Variants in ARID4B observed in about 807,000 individuals in gnomAD.
The protein encoded by ARID4B is AT-rich interaction domain 4B.
A neutral mutation model predicts 147.5 loss-of-function variants in ARID4B; 26 were observed. The observed-to-expected ratio is 0.18, with a 90% CI of 0.13 to 0.24. The LOEUF (loss-of-function observed/expected upper bound fraction) is 0.24, where lower values mean the gene tolerates loss of function less well. Ranked by LOEUF, ARID4B falls within the 10% of genes least tolerant of loss-of-function variation. ARID4B has a pLI of 1.00. For missense variants in ARID4B, 1,179 were observed against 1,511.5 expected (o/e 0.78, Z 3.65); for synonymous variants, 512 against 507.9 (o/e 1.01, Z -0.11).
chr1:235,196,927 A>AG (rs1334818560), intron 17 of ARID4B, among the ~76,000 whole-genome samples: 20 of 66,092 alleles, frequency 3.0e-4, no homozygotes, highest in Middle Eastern at 7.1e-3. Flanking sequence ...AAAATCAACT[A>AG]GAAAAAAAAA....
chr1:235,244,796 G>A (rs922041625), intron 7 of ARID4B, among the ~76,000 whole-genome samples: 1 of 152,174 alleles, frequency 6.6e-6, no homozygotes, highest in Non-Finnish European at 1.5e-5. Flanking sequence ...TGGAGTAATG[G>A]AAGAGGAAAT....
chr1:235,171,882 T>C (rs932388851), intron 23 of ARID4B, among the ~76,000 whole-genome samples: 9 of 152,098 alleles, frequency 5.9e-5, no homozygotes, highest in African/African-American at 2.2e-4. Context: ...CCTCAGGCAA[T>C]CCACCCACCG....
intron 5 of ARID4B, among the ~76,000 whole-genome samples, chr1:235,255,273 C>CGA (rs1669904755): frequency 7.8e-6 from 1 of 127,668 alleles, no homozygotes; most frequent in Non-Finnish European, 1.6e-5. Context: ...ATATATATCT[C>CGA]TCTCTCTCTC....
chr1:235,292,365 G>A, intron 2 of ARID4B, among the ~76,000 whole-genome samples: 1 of 152,186 alleles, frequency 6.6e-6, no homozygotes. Flanking sequence ...TGTAATCCCA[G>A]CACTTTGGGA....
intron 19 of ARID4B, among the ~76,000 whole-genome samples, chr1:235,186,056 A>AC (rs1055146471): frequency 1.3e-4 from 20 of 149,432 alleles, no homozygotes; most frequent in African/African-American, 4.7e-4. Context: ...TGCAACCTCC[A>AC]CCTCCCAGGT....
At chr1:235,296,988 G>T (rs1406449437) in intron 2 of ARID4B, among the ~76,000 whole-genome samples, 1 of 151,822 alleles carries the variant, frequency 6.6e-6, no homozygotes, top group African/African-American at 2.4e-5. Flanking sequence ...AGAAAACCAG[G>T]GCTACTTGTT....
chr1:235,231,159 T>C lies in ARID4B; in HGVS notation c.696A>G (p.Glu232=), dbSNP rs1475268194. The change falls in exon 10 of 24, where the codon GAA becomes GAG. Residue 232 remains glutamate, a synonymous_variant. Coordinates refer to ENST00000264183, the MANE Select transcript of ARID4B (RefSeq NM_016374.6). ...GCTTTGGTGCAGTGTCACTAGTAAT[T>C]TCATGGACATCTTTTCTTGGAACTG... The part of the protein sequence containing the change: ...FTSVPRKDVH[E]ITSDTAPKPD... The C allele has an allele frequency of 6.3e-7, 1 of 1,590,594 alleles. No homozygotes were observed. Among genetic ancestry groups the C allele is most frequent in the Admixed American group, 1.8e-5 (1 of 55,912 alleles).
chr1:235,246,313 T>C (rs1669297490), intron 7 of ARID4B, 107 bp downstream of exon 7: 1 of 847,836 alleles, frequency 1.2e-6, no homozygotes, highest in South Asian at 1.7e-5. Context: ...GAAATTACTA[T>C]TAGATCTGGT....
chr1:235,324,117 C>G (rs1362993791), intron 2 of ARID4B, among the ~76,000 whole-genome samples: 1 of 152,034 alleles, frequency 6.6e-6, no homozygotes, highest in Non-Finnish European at 1.5e-5. Flanking sequence ...GCTGGCCAGG[C>G]TGGTCTCAAA....
rs375987990 is a variant in ARID4B at position 235,193,088 on chromosome 1, C to T, written c.2125+925G>A. ...CAGCCTGGGTGACAGAGCGAGACTCCGTCTCAAAAAAAAAAAAAAAGCAGT... is the reference window on the plus strand; with the variant it reads ...CAGCCTGGGTGACAGAGCGAGACTCTGTCTCAAAAAAAAAAAAAAAGCAGT... On this transcript the variant is annotated intron_variant, in intron 19 of 23. Coordinates refer to ENST00000264183, the MANE Select transcript of ARID4B (RefSeq NM_016374.6). Among the ~76,000 whole-genome samples the T allele has an allele frequency of 3.5e-3, 514 of 148,588 alleles. 3 individuals are homozygous for T. Among genetic ancestry groups the T allele is most frequent in the African/African-American group, 7.9e-3 (320 of 40,308 alleles).
chr1:235,286,878 A>G (rs1255214444), intron 2 of ARID4B, among the ~76,000 whole-genome samples: 13 of 152,228 alleles, frequency 8.5e-5, no homozygotes, highest in Admixed American at 8.5e-4. Context: ...ATGAGATACA[A>G]TGGCTTGCAC....
chr1:235,305,272 C>G (rs1292631551), intron 2 of ARID4B, among the ~76,000 whole-genome samples: 1 of 151,972 alleles, frequency 6.6e-6, no homozygotes, highest in African/African-American at 2.4e-5. Flanking sequence ...GCAAGGAAAC[C>G]AATTCTCCCC....
chr1:235,283,590 T>C (rs1671795031), intron 2 of ARID4B, among the ~76,000 whole-genome samples: 1 of 152,158 alleles, frequency 6.6e-6, no homozygotes. Context: ...AAATGCTTTA[T>C]GTTCATTATT....
chr1:235,218,043 A>G (rs1667210514), intron 16 of ARID4B, among the ~76,000 whole-genome samples: 1 of 152,214 alleles, frequency 6.6e-6, no homozygotes, highest in Non-Finnish European at 1.5e-5. Context: ...AATAACAGTT[A>G]TGTGAATATG....
At position 235,242,903 on chromosome 1, in the gene ARID4B, T is replaced by C. The variant is rs139875340; in HGVS notation, c.447-2452A>G. On this transcript the variant is annotated intron_variant, in intron 7 of 23. Transcript: ENST00000264183. ...CCACCTTATTCAAATTTACAGTCCC[T>C]GCCCATCTACCTCTTTTCATTTTGC... Among the ~76,000 whole-genome samples, 48 of 152,264 alleles carry C rather than the reference T, an allele frequency of 3.2e-4. 1 individual carries two copies. In the East Asian group the frequency reaches 8.5e-3, roughly 27 times the overall value.
At chr1:235,259,797 G>A (rs1670189434) in intron 3 of ARID4B, among the ~76,000 whole-genome samples, 1 of 152,140 alleles carries the variant, frequency 6.6e-6, no homozygotes, top group Admixed American at 6.6e-5. Flanking sequence ...AGCTCCAGAA[G>A]AGACTGATAC....
chr1:235,318,767 T>A (rs1674618625), intron 2 of ARID4B, among the ~76,000 whole-genome samples: 1 of 151,618 alleles, frequency 6.6e-6, no homozygotes, highest in African/African-American at 2.4e-5. Context: ...TGTAATCCCA[T>A]CTACTTGGGA....
Position 235,219,845 on chromosome 1 carries a change from C to G in ARID4B, c.1531G>C (p.Asp511His). ...TCTACCTTTATGTTGAGGGATTCAT[C>G]TACCCTAGTTGTGTCATCATCTTTG... is the stretch of plus-strand genomic sequence containing the variant. ...DDKDDDTTRVDESLNIKVEAE... is the reference protein window; with the variant it reads ...DDKDDDTTRVHESLNIKVEAE... The change falls in exon 16 of 24, where the codon GAT (aspartate) becomes CAT (histidine). Residue 511 changes from aspartate (D) to histidine (H), a missense_variant. Asp to His is a moderately conservative substitution (Grantham distance 81, BLOSUM62 -1). Around this residue, in one of 10 missense-constraint regions of ARID4B, gnomAD observed 204 missense variants for 210.9 expected, o/e 0.97. Transcript: ENST00000264183. The G allele has an allele frequency of 3.7e-6, 6 of 1,604,988 alleles. No individual in the cohort carries two copies. The highest frequency in any genetic ancestry group is 5.1e-6 in the Non-Finnish European group (6 of 1,177,830).
chr1:235,260,228 T>C (rs1419692060), intron 3 of ARID4B, among the ~76,000 whole-genome samples: 1 of 152,204 alleles, frequency 6.6e-6, no homozygotes, highest in South Asian at 2.1e-4. Context: ...ATTTTATGGC[T>C]GAAATAGAGG....
Sources: gnomAD v4.1 joint callset for allele counts (sites outside exome capture counted in the v4.1 genomes callset) on GRCh38, gnomAD v4.1.1 for gene constraint, gnomAD v4.1.1 regional missense constraint, MANE v1.5 for transcripts, NCBI Gene and HGNC (gene_info 2026-07-23, HGNC 2026-07-21) for gene names.